Variants in TNIK observed in about 807,000 individuals in gnomAD.
The protein encoded by TNIK is TRAF2 and NCK-interacting protein kinase.
Under a neutral mutation model 191.3 loss-of-function variants are expected in TNIK, and 49 were observed. That is an observed-to-expected ratio of 0.26 (90% CI 0.20 to 0.32). The LOEUF (loss-of-function observed/expected upper bound fraction) is 0.32. Among genes scored for constraint, TNIK ranks in the 10% least tolerant of loss-of-function variants. The pLI is 1.00. For synonymous variants in TNIK, 594 were observed against 600.9 expected (o/e 0.99, Z 0.17); for missense variants, 1,155 against 1,702.3 (o/e 0.68, Z 5.66).
chr3:171,135,745 TC>T lies in TNIK; in HGVS notation c.1608+2445del, dbSNP rs533413355. ...CTTATGGTGACTGGGAAACCTCACA[TC>T]AGGAGTGCTTGATGACTCAGGCATG... On this transcript the variant is annotated intron_variant, in intron 15 of 32. Transcript: ENST00000436636. 1.3e-3 allele frequency among the ~76,000 whole-genome samples: 197 copies of T among 152,290 alleles called. 1 individual carries two copies. The highest frequency in any genetic ancestry group is 4.6e-3 in the African/African-American group (193 of 41,564).
intron 2 of TNIK, among the ~76,000 whole-genome samples, chr3:171,310,881 A>G (rs1410562598): frequency 1.3e-5 from 2 of 152,202 alleles, no homozygotes; most frequent in Admixed American, 1.3e-4. Flanking sequence ...CAACAAGCAA[A>G]AATATTTACT....
In TNIK at chr3:171,062,339, T is replaced by C. The variant is rs570876181; in HGVS notation, c.*1542A>G. ...ACCTGAGATTGCCGGTTGAGCTCTC[T>C]ATATGTCTCCTGGAGATAACACTGC... is the stretch of plus-strand genomic sequence containing the variant. On this transcript the variant is annotated 3_prime_UTR_variant, in exon 33 of 33. Transcript: ENST00000436636. 9.8e-5 allele frequency: 15 copies of C among 152,314 alleles called. No homozygotes were observed. The highest frequency in any genetic ancestry group is 3.4e-4 in the African/African-American group (14 of 41,568). 9.4% of individuals were successfully genotyped at this position (152,314 alleles called of 1,614,324 possible).
intron 2 of TNIK, among the ~76,000 whole-genome samples, chr3:171,306,244 G>GA (rs879562981): frequency 2.0e-5 from 3 of 151,722 alleles, no homozygotes; most frequent in Admixed American, 6.6e-5. Context: ...GAGAAGTTCA[G>GA]AAAAAAAATC....
chr3:171,443,234 C>T (rs1727053571), intron 1 of TNIK, among the ~76,000 whole-genome samples: 1 of 152,190 alleles, frequency 6.6e-6, no homozygotes, highest in African/African-American at 2.4e-5. Context: ...ACAGAACCAC[C>T]TGGTTCCACT....
At chr3:171,413,184 A>C (rs1402649787) in intron 1 of TNIK, among the ~76,000 whole-genome samples, 2 of 152,238 alleles carry the variant, frequency 1.3e-5, no homozygotes, top group East Asian at 3.8e-4. Context: ...TTTTACTTAC[A>C]TTCAATCTTT....
chr3:171,426,668 A>C (rs1445526299), intron 1 of TNIK, among the ~76,000 whole-genome samples: 1 of 152,118 alleles, frequency 6.6e-6, no homozygotes, highest in African/African-American at 2.4e-5. Context: ...CTGGAGCCCC[A>C]TCCTCTCCAG....
chr3:171,101,897 G>A (rs1723632879), intron 21 of TNIK: 1 of 339,328 alleles, frequency 2.9e-6, no homozygotes, highest in Non-Finnish European at 5.3e-6. Flanking sequence ...GTGTACATAT[G>A]TGTATGTACA....
At chr3:171,079,481 A>C in intron 28 of TNIK, 37 bp downstream of exon 28, 3 of 1,599,352 alleles carry the variant, frequency 1.9e-6, no homozygotes, top group Non-Finnish European at 2.6e-6. Context: ...GATTGAGTAA[A>C]CAGACCAAAC....
intron 2 of TNIK, among the ~76,000 whole-genome samples, chr3:171,233,347 C>T (rs764523626): frequency 6.6e-6 from 1 of 151,590 alleles, no homozygotes. Flanking sequence ...GAAAATAAAT[C>T]AAATCAAAAT....
intron 10 of TNIK, among the ~76,000 whole-genome samples, chr3:171,161,802 C>A (rs1434238327): frequency 6.6e-6 from 1 of 151,962 alleles, no homozygotes; most frequent in Non-Finnish European, 1.5e-5. Flanking sequence ...TGCCTGTAGT[C>A]CCAGCTACTT....
At chr3:171,354,433 G>A (rs958251180) in intron 2 of TNIK, among the ~76,000 whole-genome samples, 5 of 152,102 alleles carry the variant, frequency 3.3e-5, no homozygotes, top group African/African-American at 4.8e-5. Flanking sequence ...CCAGGACCTC[G>A]GAGGGCCAAA....
chr3:171,353,800 C>G (rs1316896773), intron 2 of TNIK, among the ~76,000 whole-genome samples: 1 of 152,182 alleles, frequency 6.6e-6, no homozygotes, highest in African/African-American at 2.4e-5. Context: ...GGATGCCCAG[C>G]CTTCATCCAA....
chr3:171,122,516 G>A (rs1407229185), intron 18 of TNIK, among the ~76,000 whole-genome samples: 1 of 152,226 alleles, frequency 6.6e-6, no homozygotes, highest in East Asian at 1.9e-4. Flanking sequence ...GAATGGGCTA[G>A]CATCTTTGCC....
chr3:171,256,882 A>G (rs920607296), intron 2 of TNIK, among the ~76,000 whole-genome samples: 2 of 152,158 alleles, frequency 1.3e-5, no homozygotes, highest in Non-Finnish European at 2.9e-5. Context: ...CCCAGGGGTG[A>G]GTGTGTGACT....
At chr3:171,330,496 T>C (rs1756288724) in intron 2 of TNIK, among the ~76,000 whole-genome samples, 1 of 152,208 alleles carries the variant, frequency 6.6e-6, no homozygotes, top group African/African-American at 2.4e-5. Flanking sequence ...ATAGAGTGTA[T>C]AGATTTTTCT....
intron 2 of TNIK, among the ~76,000 whole-genome samples, chr3:171,326,065 C>T (rs967623352): frequency 6.6e-6 from 1 of 151,970 alleles, no homozygotes; most frequent in Non-Finnish European, 1.5e-5. Context: ...TGTTATGTGG[C>T]AGGGAAGAGG....
At chr3:171,153,632 A>T (rs1732760990) in intron 12 of TNIK, among the ~76,000 whole-genome samples, 1 of 152,208 alleles carries the variant, frequency 6.6e-6, no homozygotes, top group South Asian at 2.1e-4. Context: ...GCAGCAGCCC[A>T]AGTTTCATTT....
chr3:171,330,657 A>T (rs1354112626), intron 2 of TNIK, among the ~76,000 whole-genome samples: 1 of 152,170 alleles, frequency 6.6e-6, no homozygotes, highest in East Asian at 1.9e-4. Flanking sequence ...AACCAGGCAG[A>T]TGGGGAACCT....
In TNIK at chr3:171,365,161, C is replaced by CTTTTTTTTTTTTTTTT. The variant is rs60887361; in HGVS notation, c.123+4443_123+4458dup. 3.2e-3 allele frequency among the ~76,000 whole-genome samples: 101 copies of CTTTTTTTTTTTTTTTT among 31,934 alleles called. 30 individuals are homozygous for CTTTTTTTTTTTTTTTT. In the Middle Eastern group the frequency reaches 0.079, roughly 25 times the overall value. 20.9% of individuals were successfully genotyped at this position (31,934 alleles called of 152,430 possible). ...AAGGACTACACAAAAGGACTACATT[C>CTTTTTTTTTTTTTTTT]TTTTTTTTTTTTTTTTTTTTTTTTT... On this transcript the variant is annotated intron_variant, in intron 2 of 32. Coordinates refer to ENST00000436636, the MANE Select transcript of TNIK (RefSeq NM_015028.4).
Sources: allele counts gnomAD v4.1 joint callset (sites outside exome capture counted in the v4.1 genomes callset), GRCh38; gene constraint gnomAD v4.1.1; transcripts MANE v1.5; gene names NCBI Gene and HGNC (gene_info 2026-07-23, HGNC 2026-07-21).